ADAMTS9: variants seen among roughly 807,000 people sequenced by gnomAD.
ADAMTS9 encodes the protein ADAM metallopeptidase with thrombospondin type 1 motif 9, also known as A disintegrin and metalloproteinase with thrombospondin motifs 9.
In ADAMTS9, 107 loss-of-function variants were observed where a neutral mutation model predicts 257.1. The ratio of observed to expected loss-of-function variants is 0.42; its 90% CI spans 0.36 to 0.49. ADAMTS9 has a LOEUF of 0.49. Ranked by LOEUF, ADAMTS9 falls within the 20% of genes least tolerant of loss-of-function variation. The probability of loss-of-function intolerance (pLI) is 0.03; values close to 1 mark genes in which losing one functional copy is unlikely to be tolerated. For missense variants in ADAMTS9, 2,353 were observed against 2,469.1 expected, an observed-to-expected ratio of 0.95 and a Z score of 1.00; for synonymous variants, 982 against 880.9, an observed-to-expected ratio of 1.11 and a Z score of -2.03.
intron 23 of ADAMTS9, among the ~76,000 whole-genome samples, chr3:64,604,730 A>C (rs186492055): frequency 6.6e-6 from 1 of 152,306 alleles, no homozygotes; most frequent in East Asian, 1.9e-4. Flanking sequence ...TTAATTTCTT[A>C]ATCAGAATTT....
intron 3 of ADAMTS9, among the ~76,000 whole-genome samples, chr3:64,662,525 T>C (rs1047944659): frequency 1.3e-5 from 2 of 152,180 alleles, no homozygotes; most frequent in African/African-American, 4.8e-5. Context: ...TGTTGTTGAA[T>C]TGTCTATTTG....
At chr3:64,659,641 T>G (rs1040309513) in intron 3 of ADAMTS9, among the ~76,000 whole-genome samples, 3 of 152,178 alleles carry the variant, frequency 2.0e-5, no homozygotes, top group South Asian at 2.1e-4. Flanking sequence ...TTTCAATACT[T>G]AAAATATTAG....
At chr3:64,644,589 G>C (rs895990625) in intron 11 of ADAMTS9, among the ~76,000 whole-genome samples, 4 of 152,208 alleles carry the variant, frequency 2.6e-5, no homozygotes, top group Admixed American at 2.0e-4. Context: ...AGAATTCACT[G>C]GGTAGGATTC....
At chr3:64,611,333 A>G (rs1384667321) in intron 22 of ADAMTS9, among the ~76,000 whole-genome samples, 2 of 152,244 alleles carry the variant, frequency 1.3e-5, no homozygotes, top group Non-Finnish European at 2.9e-5. Context: ...ACATGCTACA[A>G]TATAGATGAA....
chr3:64,588,419 A>AT (rs35685609), intron 28 of ADAMTS9: 26,031 of 148,024 alleles, frequency 0.18, 2,859 homozygotes, highest in Non-Finnish European at 0.25. Context: ...TTAAAAATTG[A>AT]TTTTTTTTTT....
At chr3:64,517,846 G>A (rs956952020) in intron 39 of ADAMTS9, among the ~76,000 whole-genome samples, 1 of 151,922 alleles carries the variant, frequency 6.6e-6, no homozygotes, top group Non-Finnish European at 1.5e-5. Context: ...ATTTTTCCAT[G>A]CCTCCATCCC....
chr3:64,654,313 G>A, intron 8 of ADAMTS9, 40 bp downstream of exon 8: 1 of 1,578,910 alleles, frequency 6.3e-7, no homozygotes, highest in Non-Finnish European at 8.7e-7. Context: ...AAAGGTTTAG[G>A]TCACTCCAAA....
intron 28 of ADAMTS9, among the ~76,000 whole-genome samples, chr3:64,576,306 G>A (rs2083844974): frequency 6.6e-6 from 1 of 152,186 alleles, no homozygotes; most frequent in South Asian, 2.1e-4. Context: ...CACAGAAGCA[G>A]CGTCAATGAT....
intron 22 of ADAMTS9, among the ~76,000 whole-genome samples, chr3:64,609,687 G>A (rs977816726): frequency 2.0e-5 from 3 of 152,086 alleles, no homozygotes; most frequent in Admixed American, 6.5e-5. Flanking sequence ...ATTTAGTATT[G>A]CTAAGGTGAC....
chr3:64,532,232 A>T (rs887122015), intron 38 of ADAMTS9, among the ~76,000 whole-genome samples: 2 of 152,226 alleles, frequency 1.3e-5, no homozygotes, highest in African/African-American at 4.8e-5. Context: ...TGCATTTAAT[A>T]TATCTAACTT....
At chr3:64,667,077 A>C (rs1204485278) in intron 3 of ADAMTS9, among the ~76,000 whole-genome samples, 1 of 152,192 alleles carries the variant, frequency 6.6e-6, no homozygotes, top group Non-Finnish European at 1.5e-5. Context: ...GTAGTGCTAC[A>C]TGCACAGTGC....
chr3:64,627,385 G>GAA (rs10718029), intron 16 of ADAMTS9, among the ~76,000 whole-genome samples: 4 of 148,644 alleles, frequency 2.7e-5, no homozygotes, highest in African/African-American at 9.8e-5. Flanking sequence ...ATCATCAGAT[G>GAA]AAAAAAAAAA....
intron 25 of ADAMTS9, among the ~76,000 whole-genome samples, chr3:64,602,639 G>A (rs977787160): frequency 6.6e-6 from 1 of 152,130 alleles, no homozygotes; most frequent in Non-Finnish European, 1.5e-5. Flanking sequence ...CCATCTGAGG[G>A]ACTTCATACC....
In ADAMTS9 at chr3:64,666,005, A is replaced by G. The variant is rs148749421; in HGVS notation, c.680-7214T>C. Among the ~76,000 whole-genome samples, 43 of 152,360 alleles carry G rather than the reference A, an allele frequency of 2.8e-4. No homozygotes were observed. The East Asian group carries it at 6.2e-3, about 22-fold the overall frequency. ...CAAGTACTGGGCTAGATAAGTTGAA[A>G]TAAACAACAGCAATGACAAAACAAG... On this transcript the variant is annotated intron_variant, in intron 3 of 39. Coordinates refer to ENST00000498707, the MANE Select transcript of ADAMTS9 (RefSeq NM_182920.2).
chr3:64,594,160 C>A, intron 28 of ADAMTS9, 98 bp downstream of exon 28: 1 of 1,291,174 alleles, frequency 7.7e-7, no homozygotes, highest in Non-Finnish European at 1.1e-6. Flanking sequence ...TTCTGGGATG[C>A]CCTTGTAAGT....
At chr3:64,604,968 T>G (rs1336054996) in intron 23 of ADAMTS9, among the ~76,000 whole-genome samples, 1 of 152,242 alleles carries the variant, frequency 6.6e-6, no homozygotes, top group Non-Finnish European at 1.5e-5. Flanking sequence ...ATATTCACTC[T>G]CAGCCTCAGT....
chr3:64,621,777 TA>T, intron 18 of ADAMTS9, among the ~76,000 whole-genome samples: 1 of 102,020 alleles, frequency 9.8e-6, no homozygotes, highest in African/African-American at 5.4e-5. Context: ...AATAAAAAAA[TA>T]AAAAAATAAA....
chr3:64,567,786 G>T (rs571355683), intron 29 of ADAMTS9, among the ~76,000 whole-genome samples: 2 of 151,426 alleles, frequency 1.3e-5, no homozygotes, highest in Non-Finnish European at 2.9e-5. Flanking sequence ...CCTGCAAAGC[G>T]CTGGGCATTC....
At chr3:64,535,077 T>C (rs1445535627) in intron 37 of ADAMTS9, among the ~76,000 whole-genome samples, 1 of 152,150 alleles carries the variant, frequency 6.6e-6, no homozygotes. Flanking sequence ...CAGTAGGTAA[T>C]ATTTAAAAAA....
Sources: allele counts gnomAD v4.1 joint callset (sites outside exome capture counted in the v4.1 genomes callset), GRCh38; gene constraint gnomAD v4.1.1; transcripts MANE v1.5; gene names NCBI Gene and HGNC (gene_info 2026-07-23, HGNC 2026-07-21).